Variants in NAALADL2 observed in about 807,000 individuals in gnomAD.
NAALADL2 encodes the protein inactive N-acetylated-alpha-linked acidic dipeptidase-like protein 2.
A neutral mutation model predicts 87.2 loss-of-function variants in NAALADL2; 76 were observed. The ratio of observed to expected loss-of-function variants is 0.87; its 90% CI spans 0.72 to 1.05. The LOEUF is 1.05. Ranked by LOEUF, NAALADL2 falls within the 50% of genes least tolerant of loss-of-function variation. The pLI is 0.00. For missense variants in NAALADL2, 1,089 were observed against 945.8 expected, an observed-to-expected ratio of 1.15 and a Z score of -1.99; for synonymous variants, 354 against 331.0, an observed-to-expected ratio of 1.07 and a Z score of -0.75.
At chr3:174,903,225 C>T (rs1015459649) in intron 1 of NAALADL2, among the ~76,000 whole-genome samples, 2 of 152,038 alleles carry the variant, frequency 1.3e-5, no homozygotes, top group Non-Finnish European at 2.9e-5. Context: ...TATTTGAATA[C>T]ATTAGATATT....
At chr3:174,677,294 C>A (rs1412173568) in intron 2 of NAALADL2, among the ~76,000 whole-genome samples, 1 of 151,952 alleles carries the variant, frequency 6.6e-6, no homozygotes, top group African/African-American at 2.4e-5. Context: ...AAAGTCCTCT[C>A]CTGGGACTTG....
intron 5 of NAALADL2, among the ~76,000 whole-genome samples, chr3:175,429,774 T>G (rs1717447722): frequency 6.6e-6 from 1 of 151,848 alleles, no homozygotes; most frequent in Non-Finnish European, 1.5e-5. Flanking sequence ...CAAAGAATAA[T>G]AAAAGAATAA....
intron 3 of NAALADL2, among the ~76,000 whole-genome samples, chr3:174,816,438 G>C (rs997483383): frequency 6.7e-6 from 1 of 150,020 alleles, no homozygotes; most frequent in Non-Finnish European, 1.5e-5. Flanking sequence ...GTGTATCTCA[G>C]TATGAGAGAC....
At chr3:174,790,088 G>T (rs945793536) in intron 3 of NAALADL2, among the ~76,000 whole-genome samples, 1 of 152,214 alleles carries the variant, frequency 6.6e-6, no homozygotes, top group Non-Finnish European at 1.5e-5. Context: ...GAGGGTCTAA[G>T]ACAATTTTAT....
At chr3:175,740,927 G>A (rs912044767) in intron 12 of NAALADL2, among the ~76,000 whole-genome samples, 2 of 152,058 alleles carry the variant, frequency 1.3e-5, no homozygotes, top group African/African-American at 4.8e-5. Context: ...CTGTAACAGT[G>A]GTATAGGTGA....
intron 1 of NAALADL2, among the ~76,000 whole-genome samples, chr3:175,068,315 A>G (rs1714933799): frequency 6.6e-6 from 1 of 152,108 alleles, no homozygotes; most frequent in South Asian, 2.1e-4. Flanking sequence ...GGAATGGATG[A>G]TTTTTAAAAG....
chr3:175,656,528 C>T (rs1162424552), intron 11 of NAALADL2, among the ~76,000 whole-genome samples: 1 of 152,070 alleles, frequency 6.6e-6, no homozygotes, highest in African/African-American at 2.4e-5. Context: ...AAATCTTCAC[C>T]AACCCAAAAT....
intron 1 of NAALADL2, among the ~76,000 whole-genome samples, chr3:174,931,202 G>A (rs1285067918): frequency 6.6e-6 from 1 of 152,080 alleles, no homozygotes; most frequent in Non-Finnish European, 1.5e-5. Context: ...AATAATATCA[G>A]TTTAGGGGAT....
At chr3:174,533,627 GAAAA>G (rs10712725) in intron 1 of NAALADL2, among the ~76,000 whole-genome samples, 1 of 143,948 alleles carries the variant, frequency 6.9e-6, no homozygotes, top group African/African-American at 2.5e-5. Context: ...AAATTAGTTG[GAAAA>G]AAAAAAAAAA....
intron 2 of NAALADL2, among the ~76,000 whole-genome samples, chr3:174,575,934 G>T (rs1348820492): frequency 6.6e-6 from 1 of 152,038 alleles, no homozygotes; most frequent in African/African-American, 2.4e-5. Context: ...TGCGATCTCG[G>T]CTCACAGCAA....
chr3:175,687,004 T>A (rs1031899532), intron 11 of NAALADL2, among the ~76,000 whole-genome samples: 33 of 152,148 alleles, frequency 2.2e-4, no homozygotes, highest in African/African-American at 8.0e-4. Flanking sequence ...AGATGTCAAG[T>A]AGCTTGTTTG....
intron 2 of NAALADL2, among the ~76,000 whole-genome samples, chr3:174,733,643 G>A (rs1404621383): frequency 1.3e-5 from 2 of 152,354 alleles, no homozygotes; most frequent in East Asian, 3.9e-4. Flanking sequence ...CAGGGGTTCA[G>A]TTTGGGTCCT....
At chr3:175,049,617 A>T (rs547751678) in intron 1 of NAALADL2, among the ~76,000 whole-genome samples, 111 of 152,272 alleles carry the variant, frequency 7.3e-4, no homozygotes, top group African/African-American at 2.6e-3. Context: ...TTTTGTCCAC[A>T]TTCCAGGTAA....
intron 3 of NAALADL2, among the ~76,000 whole-genome samples, chr3:174,762,479 C>T (rs1391667681): frequency 6.7e-6 from 1 of 148,944 alleles, no homozygotes; most frequent in African/African-American, 2.5e-5. Flanking sequence ...TTACCATGTT[C>T]CGTATAAAGC....
At chr3:175,668,579 T>G (rs1733525890) in intron 11 of NAALADL2, among the ~76,000 whole-genome samples, 1 of 152,120 alleles carries the variant, frequency 6.6e-6, no homozygotes, top group Non-Finnish European at 1.5e-5. Flanking sequence ...AAAACTACAC[T>G]TAAAGCCACT....
chr3:175,107,115 A>G (rs1723297966), intron 2 of NAALADL2, among the ~76,000 whole-genome samples: 1 of 152,046 alleles, frequency 6.6e-6, no homozygotes, highest in Non-Finnish European at 1.5e-5. Context: ...AGATGCTTGT[A>G]TAACCAGTGT....
At chr3:175,102,181 C>T (rs1169622078) in intron 2 of NAALADL2, among the ~76,000 whole-genome samples, 1 of 152,092 alleles carries the variant, frequency 6.6e-6, no homozygotes, top group South Asian at 2.1e-4. Context: ...ATACAGGGAC[C>T]TTTAGGTTCC....
chr3:175,407,671 G>A (rs113959945), intron 5 of NAALADL2, among the ~76,000 whole-genome samples: 2,892 of 152,270 alleles, frequency 0.019, 101 homozygotes, highest in African/African-American at 0.064. Flanking sequence ...CACTGGCTTC[G>A]GACTGCAGTA....
intron 2 of NAALADL2, among the ~76,000 whole-genome samples, chr3:175,185,857 A>G (rs1333391170): frequency 6.6e-6 from 1 of 151,518 alleles, no homozygotes; most frequent in Non-Finnish European, 1.5e-5. Flanking sequence ...AAAACTTGCA[A>G]TTTTTTTCTG....
Sources: allele counts gnomAD v4.1 joint callset (sites outside exome capture counted in the v4.1 genomes callset), GRCh38; gene constraint gnomAD v4.1.1; transcripts MANE v1.5; gene names NCBI Gene and HGNC (gene_info 2026-07-23, HGNC 2026-07-21).